Variants in SEMA5A observed in about 807,000 individuals in gnomAD.
SEMA5A encodes semaphorin 5A, also known as semaphorin-5A.
SEMA5A carries 55 observed loss-of-function variants against 135.5 expected under a neutral mutation model. The observed-to-expected ratio is 0.41, with a 90% CI of 0.33 to 0.51. SEMA5A has a LOEUF of 0.51. Ranked by LOEUF, SEMA5A falls within the 20% of genes least tolerant of loss-of-function variation. The probability of loss-of-function intolerance (pLI) is 0.37; values close to 1 mark genes in which losing one functional copy is unlikely to be tolerated. For synonymous variants in SEMA5A, 580 were observed against 546.5 expected (o/e 1.06, Z -0.85); for missense variants, 1,290 against 1,419.9 (o/e 0.91, Z 1.47).
intron 3 of SEMA5A, among the ~76,000 whole-genome samples, chr5:9,346,223 T>G (rs1753860495): frequency 2.0e-5 from 3 of 151,882 alleles, no homozygotes; most frequent in South Asian, 4.2e-4. Context: ...ATGGTGTAAC[T>G]TTGAAGAAGA....
chr5:9,469,753 T>C (rs932105154), intron 1 of SEMA5A, among the ~76,000 whole-genome samples: 1 of 152,222 alleles, frequency 6.6e-6, no homozygotes, highest in Non-Finnish European at 1.5e-5. Context: ...GAAATGTTTT[T>C]GATGCTAGCT....
At chr5:9,101,883 A>G (rs768493646) in intron 16 of SEMA5A, among the ~76,000 whole-genome samples, 11 of 152,224 alleles carry the variant, frequency 7.2e-5, no homozygotes, top group African/African-American at 1.4e-4. Flanking sequence ...TCTACGTCCA[A>G]TGTAAAATAA....
At chr5:9,342,588 T>C (rs369316104) in intron 3 of SEMA5A, among the ~76,000 whole-genome samples, 53 of 152,268 alleles carry the variant, frequency 3.5e-4, no homozygotes, top group African/African-American at 9.4e-4. Flanking sequence ...ATAACACACA[T>C]AAGTACAGTA....
chr5:9,411,490 A>G (rs1757105838), intron 2 of SEMA5A, among the ~76,000 whole-genome samples: 1 of 152,174 alleles, frequency 6.6e-6, no homozygotes, highest in Non-Finnish European at 1.5e-5. Flanking sequence ...GTGCCCAACT[A>G]GAAGAGGCTG....
intron 8 of SEMA5A, among the ~76,000 whole-genome samples, chr5:9,203,746 A>G (rs1162085641): frequency 6.6e-6 from 1 of 152,174 alleles, no homozygotes; most frequent in Admixed American, 6.5e-5. Context: ...CAAGTAATAT[A>G]CTGAGGTGAT....
At chr5:9,114,458 GTT>G (rs67888620) in intron 15 of SEMA5A, among the ~76,000 whole-genome samples, 8 of 151,856 alleles carry the variant, frequency 5.3e-5, no homozygotes, top group African/African-American at 1.4e-4. Context: ...GCAAATTTAT[GTT>G]TTTTTTGTGT....
intron 5 of SEMA5A, among the ~76,000 whole-genome samples, chr5:9,295,967 CAA>C (rs1561118683): frequency 6.6e-6 from 1 of 152,026 alleles, no homozygotes; most frequent in Non-Finnish European, 1.5e-5. Flanking sequence ...GTAGAATAAT[CAA>C]AAAAGACACT....
chr5:9,515,631 G>C (rs931350201), intron 1 of SEMA5A, among the ~76,000 whole-genome samples: 1 of 152,094 alleles, frequency 6.6e-6, no homozygotes, highest in Non-Finnish European at 1.5e-5. Flanking sequence ...GTCACACCCC[G>C]GCCAGTCCAA....
At chr5:9,544,065 G>A (rs935146336) in intron 1 of SEMA5A, among the ~76,000 whole-genome samples, 2 of 152,104 alleles carry the variant, frequency 1.3e-5, no homozygotes, top group Non-Finnish European at 2.9e-5. Context: ...TCCTAATTAG[G>A]TATTGAAAAA....
intron 12 of SEMA5A, among the ~76,000 whole-genome samples, chr5:9,151,666 A>T (rs1742643092): frequency 6.6e-6 from 1 of 152,190 alleles, no homozygotes; most frequent in Non-Finnish European, 1.5e-5. Flanking sequence ...TATTCAGAGA[A>T]ATGCTTGGGT....
intron 10 of SEMA5A, among the ~76,000 whole-genome samples, chr5:9,194,913 C>T (rs555615469): frequency 1.4e-4 from 21 of 152,234 alleles, no homozygotes; most frequent in African/African-American, 4.1e-4. Flanking sequence ...TCCTGATGAA[C>T]GGGCTACAAG....
At chr5:9,346,472 G>C (rs1753873328) in intron 3 of SEMA5A, among the ~76,000 whole-genome samples, 1 of 152,308 alleles carries the variant, frequency 6.6e-6, no homozygotes, top group African/African-American at 2.4e-5. Flanking sequence ...GCTATCTGCA[G>C]GCAGCAGAGC....
intron 5 of SEMA5A, among the ~76,000 whole-genome samples, chr5:9,294,984 G>T (rs1469455200): frequency 6.6e-6 from 1 of 151,974 alleles, no homozygotes; most frequent in Non-Finnish European, 1.5e-5. Flanking sequence ...ACAACTTCCT[G>T]TCTTCCATCC....
At chr5:9,284,768 C>G (rs1750712153) in intron 5 of SEMA5A, among the ~76,000 whole-genome samples, 6 of 152,148 alleles carry the variant, frequency 3.9e-5, no homozygotes, top group Admixed American at 3.9e-4. Context: ...CAGTTTTTAG[C>G]TGGAAGAAGC....
At chr5:9,323,519 T>C (rs1453588962) in intron 4 of SEMA5A, among the ~76,000 whole-genome samples, 1 of 152,182 alleles carries the variant, frequency 6.6e-6, no homozygotes, top group Non-Finnish European at 1.5e-5. Flanking sequence ...ATCAGAACTA[T>C]TTATCATCTT....
intron 16 of SEMA5A, among the ~76,000 whole-genome samples, chr5:9,086,474 C>T (rs182909476): frequency 1.0e-3 from 153 of 152,194 alleles, no homozygotes; most frequent in African/African-American, 1.2e-3. Flanking sequence ...TTTCCCTGCA[C>T]GAGCTCTCTT....
intron 1 of SEMA5A, among the ~76,000 whole-genome samples, chr5:9,544,312 C>T (rs531636591): frequency 6.6e-6 from 1 of 152,074 alleles, no homozygotes; most frequent in Non-Finnish European, 1.5e-5. Context: ...CTCACGTTAT[C>T]TTCCCTCAAT....
chr5:9,405,959 T>A (rs1375354157), intron 2 of SEMA5A, among the ~76,000 whole-genome samples: 2 of 152,112 alleles, frequency 1.3e-5, no homozygotes, highest in Non-Finnish European at 2.9e-5. Context: ...AACAACAAGA[T>A]GATGAATATC....
intron 3 of SEMA5A, among the ~76,000 whole-genome samples, chr5:9,366,949 C>G (rs1264403607): frequency 6.6e-6 from 1 of 152,174 alleles, no homozygotes; most frequent in East Asian, 1.9e-4. Flanking sequence ...AACAATTGCA[C>G]AGGTTTCCTT....
Sources: allele counts gnomAD v4.1 joint callset (sites outside exome capture counted in the v4.1 genomes callset), GRCh38; gene constraint gnomAD v4.1.1; transcripts MANE v1.5; gene names NCBI Gene and HGNC (gene_info 2026-07-23, HGNC 2026-07-21).